DMD: variants seen among roughly 807,000 people sequenced by gnomAD.
The protein encoded by DMD is mutant dystrophin.
Under a neutral mutation model 330.1 loss-of-function variants are expected in DMD, and 63 were observed. The ratio of observed to expected loss-of-function variants is 0.19; its 90% CI spans 0.16 to 0.24. DMD has a LOEUF of 0.24. DMD is among the 10% of genes least tolerant of loss of function. The pLI is 1.00. For synonymous variants in DMD, 1,223 were observed against 959.8 expected, an observed-to-expected ratio of 1.27 and a Z score of -5.07; for missense variants, 3,344 against 2,684.1, an observed-to-expected ratio of 1.25 and a Z score of -5.43.
At chrX:32,298,429 C>T (rs6418643) in intron 42 of DMD, among the ~76,000 whole-genome samples, 10,538 of 109,468 alleles carry the variant, frequency 0.096, 899 homozygotes, top group East Asian at 0.44. Flanking sequence ...GTGTAGAAAA[C>T]TGCAGGAGGA....
At position 31,120,151 on chromosome X, in the gene DMD, T is replaced by TATC. The variant is rs764162548; in HGVS notation, c.*1765_*1767dup. On this transcript the variant is annotated 3_prime_UTR_variant, in exon 79 of 79. Coordinates refer to ENST00000357033, the MANE Select transcript of DMD (RefSeq NM_004006.3). ...TGCAAAATTATAGGTCACACGGTGG[T>TATC]ATCTATTGAATGAATGATTTAAAAA... 2.5e-4 allele frequency: 28 copies of TATC among 111,224 alleles called. No homozygotes were observed. The highest frequency in any genetic ancestry group is 4.8e-4 in the Non-Finnish European group (25 of 52,607). The allele number at this position is 111,224 out of a possible 1,213,427, so 9.2% of individuals were successfully genotyped here.
At chrX:31,338,378 A>G (rs1414023717) in intron 61 of DMD, among the ~76,000 whole-genome samples, 1 of 108,973 alleles carries the variant, frequency 9.2e-6, no homozygotes, top group East Asian at 2.9e-4. Context: ...AGGCAGGAGA[A>G]TAGCTTGAAC....
intron 2 of DMD, among the ~76,000 whole-genome samples, chrX:32,891,686 T>C (rs1398419081): frequency 8.9e-6 from 1 of 111,986 alleles, no homozygotes; most frequent in African/African-American, 3.3e-5. Context: ...TGCTGGACTC[T>C]GTTGAGACAA....
chrX:32,688,985 G>C (rs1002319116), intron 9 of DMD, among the ~76,000 whole-genome samples: 8 of 110,451 alleles, frequency 7.2e-5, no homozygotes, highest in African/African-American at 2.6e-4. Context: ...AACCTATTTT[G>C]ATAGGTAACT....
chrX:32,052,801 T>C (rs1017679904), intron 44 of DMD, among the ~76,000 whole-genome samples: 1 of 111,276 alleles, frequency 9.0e-6, no homozygotes. Flanking sequence ...ATGAGAGTAG[T>C]AGATCCAAAT....
At chrX:33,311,108 CATGCATATAT>C (rs2053841337) in intron 1 of DMD, among the ~76,000 whole-genome samples, 1 of 109,850 alleles carries the variant, frequency 9.1e-6, no homozygotes, top group South Asian at 3.8e-4. Flanking sequence ...TAATATAATT[CATGCATATAT>C]ATGCATATAT....
intron 52 of DMD, among the ~76,000 whole-genome samples, chrX:31,718,889 T>C (rs2085262411): frequency 8.9e-6 from 1 of 112,034 alleles, no homozygotes; most frequent in South Asian, 3.7e-4. Flanking sequence ...ATGGAAGTTA[T>C]CAGGATCCCA....
chrX:33,170,387 T>C (rs936548069), intron 1 of DMD, among the ~76,000 whole-genome samples: 6 of 111,530 alleles, frequency 5.4e-5, no homozygotes, highest in Non-Finnish European at 1.1e-4. Context: ...TCTTTAGTTC[T>C]ATGTGCAGAT....
chrX:32,687,384 A>G (rs972701661), intron 9 of DMD, among the ~76,000 whole-genome samples: 3 of 111,921 alleles, frequency 2.7e-5, no homozygotes, highest in African/African-American at 9.7e-5. Context: ...CGGATGTAAC[A>G]CTGATACTTC....
chrX:32,064,281 G>T (rs920656424), intron 44 of DMD, among the ~76,000 whole-genome samples: 5 of 110,988 alleles, frequency 4.5e-5, no homozygotes, highest in African/African-American at 9.8e-5. Context: ...CTATTAAAAA[G>T]ACAATTTCTA....
intron 47 of DMD, among the ~76,000 whole-genome samples, chrX:31,880,165 AAC>A (rs757123199): frequency 8.9e-6 from 1 of 112,522 alleles, no homozygotes; most frequent in African/African-American, 3.2e-5. Flanking sequence ...TGGATTTCAT[AAC>A]ACAAAACATT....
At chrX:32,190,463 GT>G (rs1415418492) in intron 44 of DMD, among the ~76,000 whole-genome samples, 1 of 103,097 alleles carries the variant, frequency 9.7e-6, no homozygotes, top group Non-Finnish European at 2.0e-5. Flanking sequence ...ATAACTTAAA[GT>G]TTTATAGTGT....
intron 7 of DMD, among the ~76,000 whole-genome samples, chrX:32,738,468 C>A (rs1233911083): frequency 9.0e-6 from 1 of 111,558 alleles, no homozygotes; most frequent in Non-Finnish European, 1.9e-5. Context: ...ATGTGAAGTT[C>A]CTAGCCCTTA....
At chrX:33,324,276 G>A (rs772761969) in intron 1 of DMD, among the ~76,000 whole-genome samples, 2 of 110,723 alleles carry the variant, frequency 1.8e-5, no homozygotes, top group African/African-American at 6.6e-5. Flanking sequence ...TGTCATCAGT[G>A]ATAAAATGAG....
intron 1 of DMD, among the ~76,000 whole-genome samples, chrX:33,290,417 C>T (rs911913288): frequency 1.8e-5 from 2 of 111,027 alleles, no homozygotes; most frequent in Non-Finnish European, 3.8e-5. Flanking sequence ...ATCTCATAAG[C>T]GGCTCCTTAT....
At chrX:33,163,719 G>A (rs997689383) in intron 1 of DMD, among the ~76,000 whole-genome samples, 2 of 106,972 alleles carry the variant, frequency 1.9e-5, no homozygotes, top group Non-Finnish European at 1.9e-5. Context: ...TAGTGATAAG[G>A]GGACCTCGTA....
intron 60 of DMD, among the ~76,000 whole-genome samples, chrX:31,379,799 T>TG (rs1160642403): frequency 4.5e-5 from 5 of 112,237 alleles, no homozygotes; most frequent in African/African-American, 1.6e-4. Flanking sequence ...ATCTGGCCAC[T>TG]GGGCCAAGGA....
chrX:32,173,271 A>T (rs2096894702), intron 44 of DMD, among the ~76,000 whole-genome samples: 1 of 110,868 alleles, frequency 9.0e-6, no homozygotes, highest in South Asian at 3.9e-4. Flanking sequence ...ACATGACATA[A>T]GAATCAAGTT....
chrX:31,910,491 G>C (rs1418814213), intron 47 of DMD, among the ~76,000 whole-genome samples: 2 of 112,198 alleles, frequency 1.8e-5, no homozygotes, highest in African/African-American at 3.2e-5. Context: ...TTCAAAACAG[G>C]AATCAGTTAA....
Sources: gnomAD v4.1 joint callset for allele counts (sites outside exome capture counted in the v4.1 genomes callset) on GRCh38, gnomAD v4.1.1 for gene constraint, MANE v1.5 for transcripts, NCBI Gene and HGNC (gene_info 2026-07-23, HGNC 2026-07-21) for gene names.